Variants in PDS5A observed in about 807,000 individuals in gnomAD.
PDS5A encodes PDS5 cohesin associated factor A.
PDS5A carries 42 observed loss-of-function variants against 167.1 expected under a neutral mutation model. The ratio of observed to expected loss-of-function variants is 0.25; its 90% CI spans 0.20 to 0.33. The LOEUF (loss-of-function observed/expected upper bound fraction) is 0.33. PDS5A is among the 10% of genes least tolerant of loss of function. The probability of loss-of-function intolerance (pLI) is 1.00; values close to 1 mark genes in which losing one functional copy is unlikely to be tolerated. For synonymous variants in PDS5A, 553 were observed against 554.6 expected (o/e 1.00, Z 0.04); for missense variants, 1,033 against 1,605.9 (o/e 0.64, Z 6.10).
intron 26 of PDS5A, among the ~76,000 whole-genome samples, chr4:39,859,145 A>T (rs960580983): frequency 6.6e-6 from 1 of 152,194 alleles, no homozygotes; most frequent in African/African-American, 2.4e-5. Flanking sequence ...TCTCCACTTA[A>T]ATGTATGATT....
At chr4:39,934,619 T>C (rs1266558545) in intron 2 of PDS5A, among the ~76,000 whole-genome samples, 1 of 87,024 alleles carries the variant, frequency 1.1e-5, no homozygotes, top group Admixed American at 1.1e-4. Flanking sequence ...TTTTTTCTTT[T>C]TTTTTTTTTT....
At chr4:39,971,294 T>TTGGAAGCC (rs1730510229) in intron 2 of PDS5A, among the ~76,000 whole-genome samples, 1 of 152,060 alleles carries the variant, frequency 6.6e-6, no homozygotes, top group Admixed American at 6.6e-5. Context: ...TAGCTGGGAC[T>TTGGAAGCC]ACAGGCCCCG....
intron 17 of PDS5A, among the ~76,000 whole-genome samples, chr4:39,886,372 T>C (rs903092779): frequency 3.3e-5 from 5 of 152,190 alleles, no homozygotes; most frequent in South Asian, 4.1e-4. Context: ...TTTTGATAGA[T>C]ATTGCATTTA....
intron 32 of PDS5A, among the ~76,000 whole-genome samples, chr4:39,829,950 CAAAAAAAAAAAAAAAAA>C (rs1158287221): frequency 3.6e-4 from 24 of 67,304 alleles, no homozygotes; most frequent in East Asian, 1.4e-3. Context: ...GACTCCAACT[CAAAAAAAAAAAAAAAAA>C]AAAAAAAAAA....
At chr4:39,909,842 TTTAA>T (rs1371668413) in intron 10 of PDS5A, among the ~76,000 whole-genome samples, 1 of 152,216 alleles carries the variant, frequency 6.6e-6, no homozygotes, top group African/African-American at 2.4e-5. Flanking sequence ...TGCCACTATA[TTTAA>T]TTAAATAGAC....
intron 17 of PDS5A, among the ~76,000 whole-genome samples, chr4:39,880,179 G>A (rs1038633183): frequency 1.3e-5 from 2 of 152,066 alleles, no homozygotes; most frequent in African/African-American, 4.8e-5. Flanking sequence ...GTTGCTAAGT[G>A]AGCAATGACA....
At chr4:39,868,634 A>G in intron 22 of PDS5A, 1 of 453,000 alleles carries the variant, frequency 2.2e-6, no homozygotes, top group Non-Finnish European at 4.4e-6. Context: ...TAGCCCAACT[A>G]AATTATTTTT....
chr4:39,887,217 A>G (rs1193250195), intron 17 of PDS5A, among the ~76,000 whole-genome samples: 1 of 152,098 alleles, frequency 6.6e-6, no homozygotes, highest in Non-Finnish European at 1.5e-5. Flanking sequence ...CTTTCAATTT[A>G]CCCCATTCAG....
At chr4:39,934,503 T>A (rs1726382731) in intron 2 of PDS5A, among the ~76,000 whole-genome samples, 1 of 152,188 alleles carries the variant, frequency 6.6e-6, no homozygotes, top group African/African-American at 2.4e-5. Context: ...TATCATACAC[T>A]TATGAGAATT....
At chr4:39,955,033 GACCCTGTCACAA>G (rs1343040880) in intron 2 of PDS5A, among the ~76,000 whole-genome samples, 1 of 151,918 alleles carries the variant, frequency 6.6e-6, no homozygotes, top group Non-Finnish European at 1.5e-5. Flanking sequence ...GACAGAGCGA[GACCCTGTCACAA>G]ACAAAAAATA....
intron 26 of PDS5A, among the ~76,000 whole-genome samples, chr4:39,861,843 C>T (rs966435226): frequency 6.6e-6 from 1 of 152,092 alleles, no homozygotes; most frequent in African/African-American, 2.4e-5. Context: ...CTAGAGAGAA[C>T]AAAGAATAAA....
intron 32 of PDS5A, among the ~76,000 whole-genome samples, chr4:39,834,565 AT>A (rs992970215): frequency 5.3e-5 from 8 of 152,178 alleles, no homozygotes; most frequent in Non-Finnish European, 1.5e-5. Flanking sequence ...TCTTAAAAAA[AT>A]TTTTAAAGAG....
intron 22 of PDS5A, 78 bp downstream of exon 22, chr4:39,869,316 T>C: frequency 2.2e-6 from 2 of 895,592 alleles, no homozygotes; most frequent in Non-Finnish European, 3.7e-6. Flanking sequence ...GTTTATTAAA[T>C]TTTTTAAAGG....
chr4:39,874,219 C>T (rs1720283947), intron 20 of PDS5A, 70 bp downstream of exon 20: 2 of 1,322,648 alleles, frequency 1.5e-6, no homozygotes, highest in Non-Finnish European at 2.1e-6. Context: ...AATCTAGCTT[C>T]CATCTTCATC....
At chr4:39,971,065 C>T (rs1692188605) in intron 2 of PDS5A, among the ~76,000 whole-genome samples, 1 of 151,922 alleles carries the variant, frequency 6.6e-6, no homozygotes, top group Non-Finnish European at 1.5e-5. Context: ...TGAGCCACCA[C>T]ACCCAGCCTT....
intron 7 of PDS5A, among the ~76,000 whole-genome samples, chr4:39,917,794 C>T (rs552430397): frequency 5.6e-4 from 86 of 152,250 alleles, no homozygotes; most frequent in East Asian, 1.2e-3. Context: ...AGGCTGGTCT[C>T]GAACTCCGTA....
intron 27 of PDS5A, 69 bp downstream of exon 27, chr4:39,849,451 A>AAC (rs2109515173): frequency 8.7e-7 from 1 of 1,149,902 alleles, no homozygotes; most frequent in South Asian, 1.8e-5. Flanking sequence ...AAAAAAAAAA[A>AAC]AAAAACCAAG....
At position 39,908,110 on chromosome 4, in the gene PDS5A, A is replaced by G. The variant is rs572402494; in HGVS notation, c.1233+285T>C. On this transcript the variant is annotated intron_variant, in intron 11 of 32. Transcript: ENST00000303538. ...AATCACTATTCTTTTGAAACTCATC[A>G]TGTAAATAAAAAGGTAAAATTTTGA... Among the ~76,000 whole-genome samples, 5 of 152,322 alleles carry G rather than the reference A, an allele frequency of 3.3e-5. No homozygotes were observed. The East Asian group carries it at 9.6e-4, about 29-fold the overall frequency.
intron 7 of PDS5A, among the ~76,000 whole-genome samples, chr4:39,918,397 G>T (rs1304581781): frequency 6.6e-6 from 1 of 151,464 alleles, no homozygotes; most frequent in Non-Finnish European, 1.5e-5. Flanking sequence ...GAGTATACAA[G>T]GCCAAGAGCG....
Sources: allele counts gnomAD v4.1 joint callset (sites outside exome capture counted in the v4.1 genomes callset), GRCh38; gene constraint gnomAD v4.1.1; transcripts MANE v1.5; gene names NCBI Gene and HGNC (gene_info 2026-07-23, HGNC 2026-07-21).